The following CAMKMT variants were observed in gnomAD, a reference collection of about 807,000 sequenced individuals.
CAMKMT encodes calmodulin-lysine N-methyltransferase.
In CAMKMT, 53 loss-of-function variants were observed where a neutral mutation model predicts 48.0. The ratio of observed to expected loss-of-function variants is 1.10; its 90% CI spans 0.89 to 1.39. The LOEUF (loss-of-function observed/expected upper bound fraction) is 1.39, where lower values mean the gene tolerates loss of function less well. CAMKMT is among the 40% of genes most tolerant of loss of function. The probability of loss-of-function intolerance (pLI) is 0.00; values close to 1 mark genes in which losing one functional copy is unlikely to be tolerated. For missense variants in CAMKMT, 428 were observed against 402.7 expected (o/e 1.06, Z -0.54); for synonymous variants, 165 against 152.3 (o/e 1.08, Z -0.61).
intron 3 of CAMKMT, among the ~76,000 whole-genome samples, chr2:44,683,540 G>T (rs189844874): frequency 2.6e-5 from 4 of 152,252 alleles, no homozygotes; most frequent in Non-Finnish European, 1.5e-5. Flanking sequence ...CAGTAACGAG[G>T]CAGGGCGCGG....
intron 3 of CAMKMT, among the ~76,000 whole-genome samples, chr2:44,406,875 T>G (rs920702279): frequency 1.3e-5 from 2 of 152,254 alleles, no homozygotes; most frequent in African/African-American, 4.8e-5. Context: ...CCCAAAGTGC[T>G]GGGATTACAG....
Position 44,491,628 on chromosome 2 carries a change from C to A in CAMKMT, c.376+101323C>A, listed in dbSNP as rs530509849. The stretch of plus-strand genomic sequence containing the variant: ...ATATAGAAATATGTAACTTACACTG[C>A]ACTATGATAAATGCCTGACTTTCGG... On this transcript the variant is annotated intron_variant, in intron 3 of 10. Coordinates refer to ENST00000378494, the MANE Select transcript of CAMKMT (RefSeq NM_024766.5). Among the ~76,000 whole-genome samples the A allele has an allele frequency of 3.9e-5, 6 of 152,310 alleles. No individual in the cohort carries two copies. The South Asian group carries it at 1.2e-3, about 32-fold the overall frequency.
intron 3 of CAMKMT, among the ~76,000 whole-genome samples, chr2:44,654,955 A>T (rs1022527823): frequency 6.6e-6 from 1 of 152,166 alleles, no homozygotes; most frequent in African/African-American, 2.4e-5. Context: ...AACCCCTTGC[A>T]TTTGGATATT....
At chr2:44,426,635 A>G (rs1254304930) in intron 3 of CAMKMT, among the ~76,000 whole-genome samples, 1 of 152,186 alleles carries the variant, frequency 6.6e-6, no homozygotes, top group Non-Finnish European at 1.5e-5. Flanking sequence ...AAAAATCTCT[A>G]TGAGGAGAAC....
chr2:44,541,225 T>C (rs961702145), intron 3 of CAMKMT, among the ~76,000 whole-genome samples: 19 of 152,208 alleles, frequency 1.2e-4, no homozygotes, highest in Admixed American at 1.0e-3. Flanking sequence ...ACCAACTTAG[T>C]TCCATTTTAA....
chr2:44,762,102 C>G (rs1209174278), intron 9 of CAMKMT, among the ~76,000 whole-genome samples: 1 of 152,128 alleles, frequency 6.6e-6, no homozygotes, highest in African/African-American at 2.4e-5. Context: ...AATTAAAAGA[C>G]AGGTCAGAGA....
intron 3 of CAMKMT, among the ~76,000 whole-genome samples, chr2:44,425,233 A>C (rs1684202026): frequency 6.6e-6 from 1 of 152,232 alleles, no homozygotes; most frequent in Non-Finnish European, 1.5e-5. Context: ...TAAATGAATA[A>C]AACATTATCT....
At chr2:44,647,899 C>A in intron 3 of CAMKMT, among the ~76,000 whole-genome samples, 1 of 129,586 alleles carries the variant, frequency 7.7e-6, no homozygotes, top group Non-Finnish European at 1.6e-5. Context: ...CAGAGTGAGA[C>A]TCCGTCTCAA....
intron 3 of CAMKMT, among the ~76,000 whole-genome samples, chr2:44,614,570 A>G (rs1405436770): frequency 6.6e-6 from 1 of 152,228 alleles, no homozygotes; most frequent in East Asian, 1.9e-4. Flanking sequence ...AATAAAATAT[A>G]GAGTATAACA....
At chr2:44,512,352 A>T (rs975812602) in intron 3 of CAMKMT, among the ~76,000 whole-genome samples, 3 of 152,240 alleles carry the variant, frequency 2.0e-5, no homozygotes, top group Non-Finnish European at 1.5e-5. Context: ...GAAATAAGAA[A>T]ACATATAAAG....
intron 3 of CAMKMT, among the ~76,000 whole-genome samples, chr2:44,411,091 A>G (rs1261994177): frequency 6.6e-6 from 1 of 152,192 alleles, no homozygotes; most frequent in African/African-American, 2.4e-5. Flanking sequence ...TACTTGTAGA[A>G]TTTCTAAAAG....
chr2:44,759,937 T>C (rs1295107482), intron 9 of CAMKMT, among the ~76,000 whole-genome samples: 1 of 152,198 alleles, frequency 6.6e-6, no homozygotes, highest in Admixed American at 6.5e-5. Context: ...ATTTGTTTTG[T>C]GAATCTTTCG....
intron 3 of CAMKMT, among the ~76,000 whole-genome samples, chr2:44,686,629 C>T (rs1676354758): frequency 6.6e-6 from 1 of 152,120 alleles, no homozygotes; most frequent in Admixed American, 6.5e-5. Context: ...TGTATATGGG[C>T]TTTGCCATGA....
chr2:44,566,860 CTT>C (rs1668643912), intron 3 of CAMKMT, among the ~76,000 whole-genome samples: 1 of 152,162 alleles, frequency 6.6e-6, no homozygotes, highest in Admixed American at 6.5e-5. Flanking sequence ...GACACAGTCT[CTT>C]ATGCTTATAA....
At chr2:44,635,180 C>G (rs1673054249) in intron 3 of CAMKMT, among the ~76,000 whole-genome samples, 1 of 152,124 alleles carries the variant, frequency 6.6e-6, no homozygotes, top group African/African-American at 2.4e-5. Flanking sequence ...ATAGAGCATA[C>G]AGTCTACTGT....
chr2:44,435,359 A>G (rs1046593043), intron 3 of CAMKMT, among the ~76,000 whole-genome samples: 1 of 152,182 alleles, frequency 6.6e-6, no homozygotes, highest in African/African-American at 2.4e-5. Flanking sequence ...AAATTCAAGC[A>G]TGGCACTTAC....
chr2:44,430,424 T>C (rs1684579492), intron 3 of CAMKMT, among the ~76,000 whole-genome samples: 2 of 151,764 alleles, frequency 1.3e-5, no homozygotes, highest in African/African-American at 4.8e-5. Context: ...CTCTCATCAG[T>C]GGACAAACAA....
At chr2:44,602,532 A>G (rs776540520) in intron 3 of CAMKMT, among the ~76,000 whole-genome samples, 2 of 152,116 alleles carry the variant, frequency 1.3e-5, no homozygotes, top group African/African-American at 2.4e-5. Flanking sequence ...ACTGCTCTAA[A>G]GAACTACCTG....
At chr2:44,398,674 G>T (rs1333212425) in intron 3 of CAMKMT, among the ~76,000 whole-genome samples, 2 of 150,096 alleles carry the variant, frequency 1.3e-5, no homozygotes, top group African/African-American at 4.9e-5. Flanking sequence ...TCAAGCTTAT[G>T]GCTATATATT....
Sources: allele counts gnomAD v4.1 joint callset (sites outside exome capture counted in the v4.1 genomes callset), GRCh38; gene constraint gnomAD v4.1.1; transcripts MANE v1.5; gene names NCBI Gene and HGNC (gene_info 2026-07-23, HGNC 2026-07-21).